The following TPO variants were observed in gnomAD, a reference collection of about 807,000 sequenced individuals.
TPO encodes the protein thyroid microsomal antigen.
A neutral mutation model predicts 96.9 loss-of-function variants in TPO; 78 were observed. That is an observed-to-expected ratio of 0.81 (90% CI 0.67 to 0.97). The LOEUF (loss-of-function observed/expected upper bound fraction) is 0.97. TPO is among the 50% of genes least tolerant of loss of function. The probability of loss-of-function intolerance (pLI) is 0.00; values close to 1 mark genes in which losing one functional copy is unlikely to be tolerated. For missense variants in TPO, 1,252 were observed against 1,274.8 expected, an observed-to-expected ratio of 0.98 and a Z score of 0.27; for synonymous variants, 547 against 538.0, an observed-to-expected ratio of 1.02 and a Z score of -0.23.
At chr2:1,505,423 C>T (rs1303576844) in intron 14 of TPO, among the ~76,000 whole-genome samples, 12 of 127,672 alleles carry the variant, frequency 9.4e-5, no homozygotes, top group Non-Finnish European at 1.3e-4. Context: ...TCCTGTGTCA[C>T]GCACACCCTC....
At chr2:1,415,879 C>T (rs1200480965) in intron 2 of TPO, among the ~76,000 whole-genome samples, 1 of 152,188 alleles carries the variant, frequency 6.6e-6, no homozygotes, top group Non-Finnish European at 1.5e-5. Context: ...GACTTCACAA[C>T]CATATTAGGA....
intron 5 of TPO, among the ~76,000 whole-genome samples, chr2:1,451,776 C>A (rs1416150180): frequency 6.6e-6 from 1 of 151,792 alleles, no homozygotes; most frequent in Admixed American, 6.6e-5. Context: ...ACAAAAGGAA[C>A]CTACTTTTTT....
At chr2:1,524,339 GCAACCTCCCCAAATCCCTCCACTCTGTT>G (rs1273376845) in intron 15 of TPO, among the ~76,000 whole-genome samples, 1 of 109,534 alleles carries the variant, frequency 9.1e-6, no homozygotes, top group Admixed American at 1.1e-4. Flanking sequence ...CCTACTGTAA[GCAACCTCCCCAAATCCCTCCACTCTGTT>G]CAACCTCCCC....
At chr2:1,445,640 CTCCTT>C (rs1666723365) in intron 5 of TPO, among the ~76,000 whole-genome samples, 1 of 134,560 alleles carries the variant, frequency 7.4e-6, no homozygotes, top group Admixed American at 7.2e-5. Context: ...ATGGGGCAGG[CTCCTT>C]GTTTGTATGA....
In TPO at chr2:1,532,531, A is replaced by T. The variant is rs1341064264; in HGVS notation, c.2619-8063A>T. 9.4e-5 allele frequency among the ~76,000 whole-genome samples: 11 copies of T among 117,528 alleles called. 1 individual carries two copies. The highest frequency in any genetic ancestry group is 3.5e-4 in the African/African-American group (10 of 28,946). The allele number at this position is 117,528 out of a possible 152,430, so 77.1% of individuals were successfully genotyped here. A position where few individuals can be genotyped will look rare whatever the true frequency, so the allele number is the denominator to read the frequency against. On this transcript the variant is annotated intron_variant, in intron 15 of 16. Transcript: ENST00000329066. Reference sequence around the variant, plus strand: ...CCCCGCCACTCTGAGCAACCTCCTCAAATACCCCACTGTCAGCAACCTCCT... The same window carrying T: ...CCCCGCCACTCTGAGCAACCTCCTCTAATACCCCACTGTCAGCAACCTCCT...
At chr2:1,495,905 A>G (rs1573428742) in intron 11 of TPO, 84 bp from the exon 12 acceptor site, 1 of 1,457,946 alleles carries the variant, frequency 6.9e-7, no homozygotes, top group Non-Finnish European at 9.4e-7. Flanking sequence ...CTGGCAGCAC[A>G]CAGCTGTGGG....
At chr2:1,472,997 A>G (rs2148659076) in intron 7 of TPO, among the ~76,000 whole-genome samples, 1 of 152,222 alleles carries the variant, frequency 6.6e-6, no homozygotes, top group Middle Eastern at 3.4e-3. Context: ...TTTTTCTACT[A>G]TTTGACTGTT....
intron 7 of TPO, among the ~76,000 whole-genome samples, chr2:1,475,462 C>G (rs1407783429): frequency 6.6e-6 from 1 of 151,518 alleles, no homozygotes; most frequent in Non-Finnish European, 1.5e-5. Flanking sequence ...CTCGCTCTGT[C>G]ACCCAGGCAG....
intron 6 of TPO, 139 bp from the exon 7 acceptor site, chr2:1,455,937 C>A: frequency 2.4e-6 from 2 of 834,004 alleles, no homozygotes; most frequent in Middle Eastern, 3.3e-4. Context: ...CCTGCCCTAA[C>A]TCCAGGGCAC....
At chr2:1,460,597 T>G (rs934200524) in intron 7 of TPO, among the ~76,000 whole-genome samples, 1 of 152,198 alleles carries the variant, frequency 6.6e-6, no homozygotes, top group African/African-American at 2.4e-5. Context: ...AAAGAGTATA[T>G]TTCCCACCTA....
chr2:1,537,098 GTGTGCAACCTCCCTAGATCCCCCCTA>G (rs1465934699), intron 15 of TPO, among the ~76,000 whole-genome samples: 17 of 54,220 alleles, frequency 3.1e-4, no homozygotes, highest in African/African-American at 9.9e-4. Context: ...TCCGTCCACT[GTGTGCAACCTCCCTAGATCCCCCCTA>G]TGTGCAACCT....
intron 6 of TPO, among the ~76,000 whole-genome samples, chr2:1,455,444 C>A (rs1667701237): frequency 6.6e-6 from 1 of 152,184 alleles, no homozygotes; most frequent in Admixed American, 6.5e-5. Flanking sequence ...CCACATAAAT[C>A]ATCCACATCA....
intron 1 of TPO, among the ~76,000 whole-genome samples, chr2:1,402,535 T>C (rs1413936082): frequency 1.3e-5 from 2 of 152,082 alleles, no homozygotes; most frequent in Admixed American, 6.6e-5. Context: ...GACTGGTCAA[T>C]TTATATAAAG....
intron 15 of TPO, among the ~76,000 whole-genome samples, chr2:1,537,096 C>A (rs1679905029): frequency 3.4e-5 from 2 of 58,196 alleles, no homozygotes; most frequent in African/African-American, 1.1e-4. Context: ...AATCCGTCCA[C>A]TGTGTGCAAC....
At chr2:1,487,700 A>C in intron 9 of TPO, 121 bp from the exon 10 acceptor site, 1 of 1,315,422 alleles carries the variant, frequency 7.6e-7, no homozygotes, top group Non-Finnish European at 1.1e-6. Flanking sequence ...TCGCCACTGC[A>C]CTCCAGCCTG....
chr2:1,437,903 G>A (rs1665750596), intron 5 of TPO, among the ~76,000 whole-genome samples: 1 of 152,114 alleles, frequency 6.6e-6, no homozygotes, highest in African/African-American at 2.4e-5. Flanking sequence ...CCTGTCCTCA[G>A]AGCTCAGTGG....
rs142056604 is a variant in TPO, at chr2:1,407,475, C to G, written n.180+33073C>G. On this transcript the variant is annotated intron_variant and non_coding_transcript_variant, in intron 1 of 5. Coordinates refer to the TPO transcript ENST00000497517. The stretch of plus-strand genomic sequence containing the variant: ...ATGTGTCCTTTGTGTAGTTGTCAAT[C>G]TAACAAAAGCCAAATGTTTCATTTT... Among the ~76,000 whole-genome samples the G allele has an allele frequency of 3.4e-3, 519 of 152,292 alleles. 5 individuals carry two copies. The highest frequency in any genetic ancestry group is 0.01 in the Middle Eastern group (3 of 294).
intron 5 of TPO, among the ~76,000 whole-genome samples, chr2:1,447,282 C>T (rs915813290): frequency 1.3e-5 from 2 of 152,230 alleles, no homozygotes; most frequent in Non-Finnish European, 2.9e-5. Flanking sequence ...TCTCCACAAC[C>T]TGTGTCTTAA....
At chr2:1,374,721 CTTTCTTTTT>C (rs1661694858) in intron 1 of TPO, among the ~76,000 whole-genome samples, 1 of 143,758 alleles carries the variant, frequency 7.0e-6, no homozygotes, top group African/African-American at 2.7e-5. Context: ...TTCTTTCTTT[CTTTCTTTTT>C]TTTTTTTTTT....
Sources: allele counts gnomAD v4.1 joint callset (sites outside exome capture counted in the v4.1 genomes callset), GRCh38; gene constraint gnomAD v4.1.1; transcripts MANE v1.5; gene names NCBI Gene and HGNC (gene_info 2026-07-23, HGNC 2026-07-21).